The following SMAD1 variants were observed in gnomAD, a reference collection of about 807,000 sequenced individuals.
The protein encoded by SMAD1 is SMAD family member 1, also known as MAD, mothers against decapentaplegic homolog 1.
In SMAD1, 6 loss-of-function variants were observed where a neutral mutation model predicts 41.6. That is an observed-to-expected ratio of 0.14 (90% confidence interval 0.08 to 0.28). The LOEUF (loss-of-function observed/expected upper bound fraction) is 0.28, where lower values mean the gene tolerates loss of function less well. SMAD1 is among the 10% of genes least tolerant of loss of function. The pLI, the probability that SMAD1 is intolerant of heterozygous loss-of-function variation, is 1.00. For synonymous variants in SMAD1, 206 were observed against 203.2 expected, an observed-to-expected ratio of 1.01 and a Z score of -0.12; for missense variants, 379 against 582.6, an observed-to-expected ratio of 0.65 and a Z score of 3.60.
intron 2 of SMAD1, among the ~76,000 whole-genome samples, chr4:145,537,063 A>G (rs1731654310): frequency 6.6e-6 from 1 of 152,232 alleles, no homozygotes; most frequent in African/African-American, 2.4e-5. Context: ...AAGACGCTGA[A>G]GAACTATTCC....
In SMAD1 at chr4:145,514,511, A is replaced by T; in HGVS notation, c.-103A>T. On this transcript the variant is annotated 5_prime_UTR_variant, in exon 2 of 7. The change abolishes the stop of an existing upstream ORF in the 5' untranslated region. Transcript: ENST00000302085. This position sits in a 1 kb window ranked among gnomAD's most constrained non-coding sequence, Gnocchi z 4.7. Reference sequence around the variant, plus strand: ...CTTCTGGACTTCAAACTAAGAAGTTAAAGAGACTTCTCTGTAAATAAACAA... The same window carrying T: ...CTTCTGGACTTCAAACTAAGAAGTTTAAGAGACTTCTCTGTAAATAAACAA... 8.7e-7 allele frequency: 1 copy of T among 1,153,506 alleles called. No homozygotes were observed. The highest frequency in any genetic ancestry group is 1.2e-6 in the Non-Finnish European group (1 of 821,856). The allele number at this position is 1,153,506 out of a possible 1,614,324, so 71.5% of individuals were successfully genotyped here. A position where few individuals can be genotyped will look rare whatever the true frequency, so the allele number is the denominator to read the frequency against.
In SMAD1 at chr4:145,515,297, C is replaced by A. The variant is rs551417038; in HGVS notation, c.400+284C>A. Reference sequence around the variant, plus strand: ...GACAATTGTCATTGCAGTACTAATACCTCTAATTTTTAATAAATTGTTTTC... The same window carrying A: ...GACAATTGTCATTGCAGTACTAATAACTCTAATTTTTAATAAATTGTTTTC... On this transcript the variant is annotated intron_variant, in intron 2 of 6. Coordinates refer to ENST00000302085, the MANE Select transcript of SMAD1 (RefSeq NM_005900.3). Among the ~76,000 whole-genome samples the A allele has an allele frequency of 3.8e-3, 572 of 151,966 alleles. 1 individual carries two copies. The highest frequency in any genetic ancestry group is 0.02 in the Middle Eastern group (6 of 294).
chr4:145,518,489 CAA>C (rs1182470055), intron 2 of SMAD1, among the ~76,000 whole-genome samples: 1 of 84,072 alleles, frequency 1.2e-5, no homozygotes. Context: ...AACTCCATCT[CAA>C]AAAAAAAAAA....
At chr4:145,542,820 G>C in intron 4 of SMAD1, 122 bp downstream of exon 4, 1 of 611,290 alleles carries the variant, frequency 1.6e-6, no homozygotes, top group East Asian at 2.8e-5. Context: ...AGAGTCCAAT[G>C]TTAAGAGAAG....
At chr4:145,557,674 C>T (rs774666909) in intron 6 of SMAD1, 117 bp from the exon 7 acceptor site, 127 of 710,324 alleles carry the variant, frequency 1.8e-4, no homozygotes, top group Non-Finnish European at 2.6e-4. Flanking sequence ...GCGGGGGGGT[C>T]AGGGAGGAAA....
At chr4:145,484,196 A>G (rs1233304933) in intron 1 of SMAD1, among the ~76,000 whole-genome samples, 1 of 152,242 alleles carries the variant, frequency 6.6e-6, no homozygotes, top group Non-Finnish European at 1.5e-5. Context: ...GCAGTAGCCT[A>G]CATAATCAAG....
chr4:145,515,106 A>T, intron 2 of SMAD1, 93 bp downstream of exon 2: 4 of 1,237,442 alleles, frequency 3.2e-6, no homozygotes, highest in South Asian at 3.1e-5. Flanking sequence ...GCTTGTTTTT[A>T]GTTGTAATTT....
intron 2 of SMAD1, among the ~76,000 whole-genome samples, chr4:145,522,540 G>A (rs2126449828): frequency 6.6e-6 from 1 of 152,078 alleles, no homozygotes; most frequent in African/African-American, 2.4e-5. Context: ...TGGAGGTTGT[G>A]GTGAGCCAAG....
intron 2 of SMAD1, among the ~76,000 whole-genome samples, chr4:145,538,951 G>T (rs1382891519): frequency 6.6e-6 from 1 of 152,174 alleles, no homozygotes; most frequent in East Asian, 1.9e-4. Context: ...GTTTCTGGAG[G>T]TTGATGACCA....
intron 1 of SMAD1, chr4:145,513,266 T>A (rs2126402477): frequency 6.6e-6 from 1 of 152,498 alleles, no homozygotes; most frequent in South Asian, 2.1e-4. Context: ...AAGTCCTGAG[T>A]GCCTTGGTTC....
chr4:145,495,706 C>G (rs1438452222), intron 1 of SMAD1, among the ~76,000 whole-genome samples: 5 of 142,564 alleles, frequency 3.5e-5, no homozygotes, highest in Non-Finnish European at 6.0e-5. Flanking sequence ...ACTTCGAACT[C>G]TTGGGCCTAA....
At chr4:145,518,843 A>T (rs1730566582) in intron 2 of SMAD1, among the ~76,000 whole-genome samples, 1 of 125,556 alleles carries the variant, frequency 8.0e-6, no homozygotes, top group Admixed American at 7.5e-5. Context: ...ACAGAGTAGT[A>T]GCATCAGTAC....
At chr4:145,549,454 G>C (rs1403364131) in intron 5 of SMAD1, among the ~76,000 whole-genome samples, 1 of 152,028 alleles carries the variant, frequency 6.6e-6, no homozygotes, top group African/African-American at 2.4e-5. Flanking sequence ...CATACATACA[G>C]ACAGACACAC....
At chr4:145,551,577 TAAAAC>T (rs1732558928) in intron 5 of SMAD1, among the ~76,000 whole-genome samples, 1 of 152,048 alleles carries the variant, frequency 6.6e-6, no homozygotes, top group Admixed American at 6.6e-5. Context: ...CATTAAAAAA[TAAAAC>T]AAATAGGACC....
intron 5 of SMAD1, among the ~76,000 whole-genome samples, chr4:145,552,618 C>G (rs1732612137): frequency 6.6e-6 from 1 of 152,080 alleles, no homozygotes; most frequent in Non-Finnish European, 1.5e-5. Flanking sequence ...TATGACTTTT[C>G]TAGTTTCATT....
chr4:145,534,247 C>A (rs1441560041), intron 2 of SMAD1, among the ~76,000 whole-genome samples: 1 of 152,190 alleles, frequency 6.6e-6, no homozygotes, highest in Non-Finnish European at 1.5e-5. Context: ...TGTGTTACAG[C>A]AGTGCTAGCA....
At chr4:145,498,420 A>G (rs1729219147) in intron 1 of SMAD1, among the ~76,000 whole-genome samples, 1 of 152,170 alleles carries the variant, frequency 6.6e-6, no homozygotes. Flanking sequence ...TTATACAAAG[A>G]TATATCTTGC....
intron 6 of SMAD1, among the ~76,000 whole-genome samples, chr4:145,555,070 T>C (rs1180850051): frequency 2.0e-5 from 3 of 152,170 alleles, no homozygotes; most frequent in Admixed American, 6.5e-5. Flanking sequence ...CCTTAGTGTT[T>C]GTTTTTGTGT....
At position 145,539,970 on chromosome 4, in the gene SMAD1, T is replaced by C. The variant is rs1245648783; in HGVS notation, c.567T>C (p.Asn189=). 3 of 1,613,942 alleles carry C rather than the reference T, an allele frequency of 1.9e-6. No individual in the cohort carries two copies. The highest frequency in any genetic ancestry group is 4.5e-5 in the East Asian group (2 of 44,874). Residue 189 remains asparagine (N), a synonymous_variant, in exon 3 of 7, where the codon AAT becomes AAC. Coordinates refer to ENST00000302085, the MANE Select transcript of SMAD1 (RefSeq NM_005900.3). The part of the protein sequence containing the change: ...PNSHPFPHSP[N]SSYPNSPGSS... ...GCCACCCGTTTCCTCACTCTCCCAA[T>C]AGCAGTTACCCAAACTCTCCTGGGA...
Sources: gnomAD v4.1 joint callset for allele counts (sites outside exome capture counted in the v4.1 genomes callset) on GRCh38, gnomAD v4.1.1 for gene constraint, Gnocchi (gnomAD v3.1) non-coding constraint, MANE v1.5 for transcripts, NCBI Gene and HGNC (gene_info 2026-07-23, HGNC 2026-07-21) for gene names.